Variants in FRAS1 observed in about 807,000 individuals in gnomAD.
The protein encoded by FRAS1 is Fraser extracellular matrix complex subunit 1.
In FRAS1, 290 loss-of-function variants were observed where a neutral mutation model predicts 435.2. The observed-to-expected ratio is 0.67, with a 90% CI of 0.61 to 0.73. The LOEUF (loss-of-function observed/expected upper bound fraction) is 0.73, where lower values mean the gene tolerates loss of function less well. Ranked by LOEUF, FRAS1 falls within the 30% of genes least tolerant of loss-of-function variation. FRAS1 has a pLI of 0.00. For missense variants in FRAS1, 4,860 were observed against 5,001.5 expected (o/e 0.97, Z 0.85); for synonymous variants, 1,800 against 1,851.0 (o/e 0.97, Z 0.71).
chr4:78,315,526 A>C, intron 15 of FRAS1, 68 bp from the exon 16 acceptor site: 1 of 1,493,314 alleles, frequency 6.7e-7, no homozygotes, highest in East Asian at 2.3e-5. Context: ...GATATTGTAA[A>C]GAATAGACTT....
intron 2 of FRAS1, among the ~76,000 whole-genome samples, chr4:78,194,131 C>T (rs1037195758): frequency 6.6e-5 from 10 of 152,262 alleles, no homozygotes; most frequent in South Asian, 2.1e-4. Context: ...GAGTTTCTGC[C>T]GAGAGATCAG....
intron 6 of FRAS1, among the ~76,000 whole-genome samples, chr4:78,258,036 T>C (rs538391581): frequency 6.6e-6 from 1 of 152,300 alleles, no homozygotes; most frequent in South Asian, 2.1e-4. Context: ...CATCTTTGGA[T>C]GTTTTTTCAA....
At chr4:78,116,651 A>G (rs1331814760) in intron 2 of FRAS1, among the ~76,000 whole-genome samples, 1 of 152,016 alleles carries the variant, frequency 6.6e-6, no homozygotes, top group Non-Finnish European at 1.5e-5. Context: ...TAGGATTGCA[A>G]TCCCTGCCTT....
intron 61 of FRAS1, among the ~76,000 whole-genome samples, chr4:78,502,669 A>G (rs1164135058): frequency 2.6e-5 from 4 of 152,184 alleles, no homozygotes; most frequent in Non-Finnish European, 5.9e-5. Flanking sequence ...AACAGGGGCA[A>G]TTTGACTTCC....
chr4:78,480,421 G>C (rs970201648), intron 56 of FRAS1, among the ~76,000 whole-genome samples: 1 of 152,174 alleles, frequency 6.6e-6, no homozygotes, highest in Admixed American at 6.5e-5. Flanking sequence ...GTTTTACTCT[G>C]GTTCTTGATG....
intron 2 of FRAS1, among the ~76,000 whole-genome samples, chr4:78,130,460 C>T (rs1262288684): frequency 6.6e-6 from 1 of 152,154 alleles, no homozygotes; most frequent in Admixed American, 6.5e-5. Context: ...TTAATTGAGT[C>T]TAGTCAGATC....
chr4:78,112,899 C>T (rs1742836649), intron 2 of FRAS1, among the ~76,000 whole-genome samples: 1 of 151,834 alleles, frequency 6.6e-6, no homozygotes. Context: ...CATATGTATA[C>T]ATGTGCCATA....
chr4:78,104,155 G>A (rs780729537), intron 2 of FRAS1, among the ~76,000 whole-genome samples: 1 of 152,096 alleles, frequency 6.6e-6, no homozygotes, highest in African/African-American at 2.4e-5. Context: ...CATAACTTTG[G>A]CACTCAACAC....
intron 3 of FRAS1, among the ~76,000 whole-genome samples, chr4:78,244,270 A>G (rs955574658): frequency 6.6e-6 from 1 of 152,156 alleles, no homozygotes; most frequent in African/African-American, 2.4e-5. Context: ...ACACACGCAC[A>G]CACACACACA....
At chr4:78,404,422 A>T (rs1698216642) in intron 30 of FRAS1, among the ~76,000 whole-genome samples, 3 of 150,894 alleles carry the variant, frequency 2.0e-5, no homozygotes, top group Non-Finnish European at 2.9e-5. Context: ...AAAAAAAAAA[A>T]GAAGAAGGTT....
At chr4:78,385,784 C>T (rs1428082937) in intron 28 of FRAS1, among the ~76,000 whole-genome samples, 2 of 151,530 alleles carry the variant, frequency 1.3e-5, no homozygotes, top group East Asian at 3.9e-4. Flanking sequence ...ACTCGGGAGG[C>T]TGAGGCAGGA....
At chr4:78,123,359 G>C (rs187475892) in intron 2 of FRAS1, among the ~76,000 whole-genome samples, 1 of 152,076 alleles carries the variant, frequency 6.6e-6, no homozygotes, top group African/African-American at 2.4e-5. Flanking sequence ...TACCAGTACC[G>C]TGCTGTTTCG....
At chr4:78,377,345 C>G (rs1293939519) in intron 26 of FRAS1, among the ~76,000 whole-genome samples, 1 of 152,134 alleles carries the variant, frequency 6.6e-6, no homozygotes, top group Non-Finnish European at 1.5e-5. Context: ...TACTTGAGAG[C>G]CAGCTTACTT....
chr4:78,362,357 T>C (rs2110294516), intron 20 of FRAS1, among the ~76,000 whole-genome samples: 1 of 152,242 alleles, frequency 6.6e-6, no homozygotes, highest in East Asian at 1.9e-4. Context: ...GCAGGATTTT[T>C]CTCAGCTTGT....
Position 78,074,754 on chromosome 4 carries a change from C to G in FRAS1, c.108+8738C>G, listed in dbSNP as rs147841425. Among the ~76,000 whole-genome samples, 494 of 152,204 alleles carry G rather than the reference C, an allele frequency of 3.2e-3. 2 individuals are homozygous for G. Among genetic ancestry groups the G allele is most frequent in the Non-Finnish European group, 5.1e-3 (346 of 68,006 alleles). ...TAATATTGTTGGGTGTTTGAAAGGA[C>G]CCCATAAATAGCACCTTCCTTCCCT... On this transcript the variant is annotated intron_variant, in intron 2 of 73. Transcript: ENST00000512123.
chr4:78,092,186 G>A (rs939444230), intron 2 of FRAS1, among the ~76,000 whole-genome samples: 5 of 152,006 alleles, frequency 3.3e-5, no homozygotes, highest in Non-Finnish European at 5.9e-5. Flanking sequence ...ATCCCACTTT[G>A]CTGCTTTCTT....
intron 31 of FRAS1, among the ~76,000 whole-genome samples, chr4:78,412,287 G>A (rs1009454883): frequency 3.3e-5 from 5 of 152,306 alleles, no homozygotes; most frequent in African/African-American, 1.2e-4. Flanking sequence ...TGTCACACAT[G>A]GCTTAGCAAA....
At chr4:78,413,999 A>C (rs1733456573) in intron 32 of FRAS1, among the ~76,000 whole-genome samples, 1 of 152,204 alleles carries the variant, frequency 6.6e-6, no homozygotes, top group East Asian at 1.9e-4. Context: ...TAGCACCCAC[A>C]CAATTACACT....
At chr4:78,058,860 T>TA (rs1739602787) in intron 1 of FRAS1, among the ~76,000 whole-genome samples, 1 of 152,134 alleles carries the variant, frequency 6.6e-6, no homozygotes, top group Non-Finnish European at 1.5e-5. Flanking sequence ...AGTCAATAAG[T>TA]AAATCAAGAG....
Sources: gnomAD v4.1 joint callset for allele counts (sites outside exome capture counted in the v4.1 genomes callset) on GRCh38, gnomAD v4.1.1 for gene constraint, MANE v1.5 for transcripts, NCBI Gene and HGNC (gene_info 2026-07-23, HGNC 2026-07-21) for gene names.